DPPA5: variants seen among roughly 807,000 people sequenced by gnomAD.
DPPA5 encodes developmental pluripotency-associated 5 protein.
A neutral mutation model predicts 11.3 loss-of-function variants in DPPA5; 11 were observed. The observed-to-expected ratio is 0.97, with a 90% CI of 0.61 to 1.61. The LOEUF is 1.61. Ranked by LOEUF, DPPA5 falls within the 40% of genes most tolerant of loss-of-function variation. The pLI is 0.00. For missense variants in DPPA5, 132 were observed against 151.8 expected, an observed-to-expected ratio of 0.87 and a Z score of 0.68; for synonymous variants, 53 against 59.2, an observed-to-expected ratio of 0.90 and a Z score of 0.48.
In DPPA5 at chr6:73,354,132, G is replaced by A. The variant is rs1469475521; in HGVS notation, c.94C>T (p.Leu32=). 2 of 1,614,220 alleles carry A rather than the reference G, an allele frequency of 1.2e-6. No homozygotes were observed. The highest frequency in any genetic ancestry group is 1.7e-6 in the Non-Finnish European group (2 of 1,180,042). Residue 32 remains leucine, a synonymous_variant, in exon 1 of 3, where the codon CTG becomes TTG. Transcript: ENST00000370370. Reference sequence around the variant, plus strand: ...CACTCACCGAAAATGGCTTTCAGCAGCCGCGTCTGGACCTGGAACACCTCT... The same window carrying A: ...CACTCACCGAAAATGGCTTTCAGCAACCGCGTCTGGACCTGGAACACCTCT... ...DPEVFQVQTR[L]LKAIFGPDGS...
Position 73,353,337 on chromosome 6 carries a change from C to T in DPPA5, c.334G>A (p.Gly112Ser). ...AAACTGGTTCACTTCATCCAAGGGC[C>T]TAGTTCGAGGGCATTCATGGCTTCG... ...LAEAMNALEL[G>S]PWMK The change falls in exon 3 of 3, where the codon GGC (glycine) becomes AGC (serine). Residue 112 changes from glycine to serine, a missense_variant. By Grantham distance (56) the Gly-to-Ser change is moderately conservative. Coordinates refer to ENST00000370370, the MANE Select transcript of DPPA5 (RefSeq NM_001025290.3). 1.4e-5 allele frequency: 23 copies of T among 1,614,156 alleles called. No homozygotes were observed. The highest frequency in any genetic ancestry group is 1.8e-5 in the Non-Finnish European group (21 of 1,180,024).
chr6:73,353,810 C>G (rs1381761852), intron 2 of DPPA5, 43 bp downstream of exon 2: 1 of 1,599,250 alleles, frequency 6.3e-7, no homozygotes, highest in Non-Finnish European at 8.5e-7. Flanking sequence ...GAAGCGGCCC[C>G]CGCGAGCCTG....
chr6:73,353,103 A>AAG lies in DPPA5; in HGVS notation c.*216_*217insCT. The AAG allele has an allele frequency of 1.8e-6, 1 of 561,462 alleles. No homozygotes were observed. Among genetic ancestry groups the AAG allele is most frequent in the African/African-American group, 1.9e-5 (1 of 53,300 alleles). 34.8% of individuals were successfully genotyped at this position (561,462 alleles called of 1,614,324 possible). On this transcript the variant is annotated 3_prime_UTR_variant, in exon 3 of 3. Coordinates refer to ENST00000370370, the MANE Select transcript of DPPA5 (RefSeq NM_001025290.3). ...CTTTATTGTTATTTTTAAAAATGGG[A>AAG]AAAAAGAAAAAACACTTTTTATTAA...
chr6:73,354,152 A>G lies in DPPA5; in HGVS notation c.74T>C (p.Val25Ala). 2 of 1,614,138 alleles carry G rather than the reference A, an allele frequency of 1.2e-6. No individual in the cohort carries two copies. The highest frequency in any genetic ancestry group is 2.2e-5 in the South Asian group (2 of 91,086). The change falls in exon 1 of 3, where the codon GTG (valine) becomes GCG (alanine). Residue 25 changes from valine (V) to alanine (A), a missense_variant. Transcript: ENST00000370370. ...KVPEDLKDPE[V>A]FQVQTRLLKA... ...CAGCAGCCGCGTCTGGACCTGGAAC[A>G]CCTCTGGATCTTTCAGGTCTTCGGG... is the stretch of plus-strand genomic sequence containing the variant.
chr6:73,353,718 T>G (rs977153729), intron 2 of DPPA5, 135 bp downstream of exon 2: 1 of 1,253,104 alleles, frequency 8.0e-7, no homozygotes, highest in Non-Finnish European at 1.1e-6. Context: ...AAGGCCCAGA[T>G]GCCAAGGGCA....
In DPPA5 at chr6:73,353,231, G is replaced by C. The variant is rs930410366; in HGVS notation, c.*89C>G. On this transcript the variant is annotated 3_prime_UTR_variant, in exon 3 of 3. Coordinates refer to ENST00000370370, the MANE Select transcript of DPPA5 (RefSeq NM_001025290.3). The stretch of plus-strand genomic sequence containing the variant: ...TCCCTTAACTCTTTAGGCTGGAGCA[G>C]ATTTTAAAACAAGCTTAAGGAATCA... 12 of 1,533,626 alleles carry C rather than the reference G, an allele frequency of 7.8e-6. No homozygotes were observed. In the African/African-American group the frequency reaches 1.5e-4, roughly 19 times the overall value.
Position 73,353,865 on chromosome 6 carries a change from G to A in DPPA5, c.280C>T (p.Arg94Cys). Residue 94 changes from arginine to cysteine, a missense_variant, in exon 2 of 3, where the codon CGC (arginine) becomes TGC (cysteine). Physicochemically the swap from Arg to Cys is radical, Grantham distance 180. Coordinates refer to ENST00000370370, the MANE Select transcript of DPPA5 (RefSeq NM_001025290.3). ...LQSMAEWHRQ[R>C]QERGMLKLAE... ...CTGGGCCTCTCACCTCGCTCCTGGCGCTGGCGGTGCCACTCAGCCATGGAC... is the reference window on the plus strand; with the variant it reads ...CTGGGCCTCTCACCTCGCTCCTGGCACTGGCGGTGCCACTCAGCCATGGAC... The A allele has an allele frequency of 1.2e-6, 2 of 1,613,474 alleles. No individual in the cohort carries two copies. The highest frequency in any genetic ancestry group is 1.7e-6 in the Non-Finnish European group (2 of 1,179,924).
rs1768735995 is a variant in DPPA5, at chr6:73,354,120, T to C, written c.106A>G (p.Ile36Val). 2 of 1,613,866 alleles carry C rather than the reference T, an allele frequency of 1.2e-6. No homozygotes were observed. The highest frequency in any genetic ancestry group is 3.3e-5 in the Admixed American group (2 of 60,002). ...CAGTACTGGGCACACTCACCGAAAA[T>C]GGCTTTCAGCAGCCGCGTCTGGACC... ...FQVQTRLLKA[I>V]FGPDGSRIPY... The change falls in exon 1 of 3, where the codon ATT becomes GTT. Residue 36 changes from isoleucine to valine, a missense_variant. Physicochemically the swap from Ile to Val is conservative, Grantham distance 29 (BLOSUM62 3). Coordinates refer to ENST00000370370, the MANE Select transcript of DPPA5 (RefSeq NM_001025290.3).
At position 73,354,218 on chromosome 6, in the gene DPPA5, G is replaced by A. The variant is rs1268502178; in HGVS notation, c.8C>T (p.Thr3Ile). The change falls in exon 1 of 3, where the codon ACT (threonine) becomes ATT (isoleucine). Residue 3 changes from threonine (T) to isoleucine (I), a missense_variant. Coordinates refer to ENST00000370370, the MANE Select transcript of DPPA5 (RefSeq NM_001025290.3). The part of the protein sequence containing the change: MG[T>I]LPARRHIPPW... ...CGGGATATGTCTACGTGCCGGGAGA[G>A]TTCCCATCTTATGACCCTCACAACC... The A allele has an allele frequency of 1.2e-6, 2 of 1,614,146 alleles. No individual in the cohort carries two copies. The highest frequency in any genetic ancestry group is 1.7e-6 in the Non-Finnish European group (2 of 1,180,000).
chr6:73,353,855 C>A lies in DPPA5; in HGVS notation c.290G>T (p.Arg97Leu). The change falls in exon 2 of 3, where the codon CGA becomes CTA. Residue 97 changes from arginine (R) to leucine (L), a missense_variant and splice_region_variant. By Grantham distance (102) the Arg-to-Leu change is moderately radical (BLOSUM62 -2). Coordinates refer to ENST00000370370, the MANE Select transcript of DPPA5 (RefSeq NM_001025290.3). ...TACCCAGTCTCTGGGCCTCTCACCT[C>A]GCTCCTGGCGCTGGCGGTGCCACTC... ...MAEWHRQRQE[R>L]GMLKLAEAMN... The A allele has an allele frequency of 6.2e-7, 1 of 1,613,186 alleles. No individual in the cohort carries two copies. Among genetic ancestry groups the A allele is most frequent in the South Asian group, 1.1e-5 (1 of 91,034 alleles).
chr6:73,353,833 C>G lies in DPPA5; in HGVS notation c.292+20G>C. 1 of 1,611,644 alleles carries G rather than the reference C, an allele frequency of 6.2e-7. No individual in the cohort carries two copies. The highest frequency in any genetic ancestry group is 1.1e-5 in the South Asian group (1 of 90,894). ...CCCCGCGAGCCTGTGTTCCGCGTAC[C>G]CAGTCTCTGGGCCTCTCACCTCGCT... On this transcript the variant is annotated intron_variant, in intron 2 of 2. Transcript: ENST00000370370.
chr6:73,353,475 T>C (rs1768720653), intron 2 of DPPA5, 97 bp from the exon 3 acceptor site: 3 of 1,457,576 alleles, frequency 2.1e-6, no homozygotes, highest in Non-Finnish European at 2.9e-6. Flanking sequence ...CTGGGACTTC[T>C]GATCCAGGCG....
chr6:73,353,551 T>C (rs780312652), intron 2 of DPPA5, among the ~76,000 whole-genome samples, 173 bp from the exon 3 acceptor site: 18 of 151,796 alleles, frequency 1.2e-4, no homozygotes, highest in Middle Eastern at 3.4e-3. Context: ...TCGAACATTC[T>C]CCAAGAAACT....
rs774935799 is a variant in DPPA5, at chr6:73,353,946, CG to C, written c.198del (p.Glu67ArgfsTer40). On this transcript the variant is annotated frameshift_variant, in exon 2 of 3. Transcript: ENST00000370370. LOFTEE classifies it high-confidence loss of function. ...ELKALESSDL[T>X]EVVVYGSYLY... ...AAATAGGAGCCGTAAACCACGACCTCGGTGAGGTCTGAAGACTCCAGAGCCT... is the reference window on the plus strand; with the variant it reads ...AAATAGGAGCCGTAAACCACGACCTCGTGAGGTCTGAAGACTCCAGAGCCT... 78 of 1,614,084 alleles carry C rather than the reference CG, an allele frequency of 4.8e-5. No homozygotes were observed. Among genetic ancestry groups the C allele is most frequent in the Non-Finnish European group, 5.9e-5 (70 of 1,180,048 alleles).
Position 73,353,855 on chromosome 6 carries a change from C to G in DPPA5, c.290G>C (p.Arg97Pro). Residue 97 changes from arginine (R) to proline (P), a missense_variant and splice_region_variant, in exon 2 of 3, where the codon CGA becomes CCA. By Grantham distance (103) the Arg-to-Pro change is moderately radical. Transcript: ENST00000370370. ...MAEWHRQRQE[R>P]GMLKLAEAMN... Reference sequence around the variant, plus strand: ...TACCCAGTCTCTGGGCCTCTCACCTCGCTCCTGGCGCTGGCGGTGCCACTC... The same window carrying G: ...TACCCAGTCTCTGGGCCTCTCACCTGGCTCCTGGCGCTGGCGGTGCCACTC... The G allele has an allele frequency of 6.2e-7, 1 of 1,613,186 alleles. No individual in the cohort carries two copies. Among genetic ancestry groups the G allele is most frequent in the Non-Finnish European group, 8.5e-7 (1 of 1,179,832 alleles).
chr6:73,353,286 C>T lies in DPPA5; in HGVS notation c.*34G>A, dbSNP rs1311467176. ...AGCTCTGGCCACAACCTAATCTCTG[C>T]AACCCGGCTTCATTGCATTGGCTGG... On this transcript the variant is annotated 3_prime_UTR_variant, in exon 3 of 3. Coordinates refer to ENST00000370370, the MANE Select transcript of DPPA5 (RefSeq NM_001025290.3). 1.2e-6 allele frequency: 2 copies of T among 1,613,892 alleles called. No homozygotes were observed. Among genetic ancestry groups the T allele is most frequent in the Admixed American group, 3.3e-5 (2 of 60,010 alleles).
rs1235140672 is a variant in DPPA5, at chr6:73,353,884, C to T, written c.261G>A (p.Met87Ile). Reference protein sequence around the residue: ...KLRTKWMLQSMAEWHRQRQER... With the variant: ...KLRTKWMLQSIAEWHRQRQER... ...CCTGGCGCTGGCGGTGCCACTCAGC[C>T]ATGGACTGGAGCATCCACTTGGTCC... Residue 87 changes from methionine (M) to isoleucine (I), a missense_variant, in exon 2 of 3, where the codon ATG becomes ATA. Transcript: ENST00000370370. The T allele has an allele frequency of 6.2e-7, 1 of 1,613,818 alleles. No individual in the cohort carries two copies. The highest frequency in any genetic ancestry group is 8.5e-7 in the Non-Finnish European group (1 of 1,179,994).
rs754015855 is a variant in DPPA5 at position 73,353,950 on chromosome 6, G to A, written c.195C>T (p.Leu65=). 4 of 1,614,202 alleles carry A rather than the reference G, an allele frequency of 2.5e-6. No homozygotes were observed. Among genetic ancestry groups the A allele is most frequent in the Admixed American group, 1.7e-5 (1 of 60,028 alleles). Residue 65 remains leucine, a synonymous_variant, in exon 2 of 3, where the codon CTC becomes CTT. Coordinates refer to ENST00000370370, the MANE Select transcript of DPPA5 (RefSeq NM_001025290.3). ...LELKALESSD[L]TEVVVYGSYL... ...AGGAGCCGTAAACCACGACCTCGGT[G>A]AGGTCTGAAGACTCCAGAGCCTTCA...
Position 73,353,886 on chromosome 6 carries a change from T to A in DPPA5, c.259A>T (p.Met87Leu). The change falls in exon 2 of 3, where the codon ATG becomes TTG. Residue 87 changes from methionine (M) to leucine (L), a missense_variant. By Grantham distance (15) the Met-to-Leu change is conservative. Transcript: ENST00000370370. ...KLRTKWMLQS[M>L]AEWHRQRQER... Reference sequence around the variant, plus strand: ...TGGCGCTGGCGGTGCCACTCAGCCATGGACTGGAGCATCCACTTGGTCCGG... The same window carrying A: ...TGGCGCTGGCGGTGCCACTCAGCCAAGGACTGGAGCATCCACTTGGTCCGG... The A allele has an allele frequency of 6.2e-7, 1 of 1,613,880 alleles. No individual in the cohort carries two copies. The highest frequency in any genetic ancestry group is 8.5e-7 in the Non-Finnish European group (1 of 1,179,954).
Sources: allele counts gnomAD v4.1 joint callset (sites outside exome capture counted in the v4.1 genomes callset), GRCh38; gene constraint gnomAD v4.1.1; transcripts MANE v1.5; gene names NCBI Gene and HGNC (gene_info 2026-07-23, HGNC 2026-07-21).